BRD3: variants seen among roughly 807,000 people sequenced by gnomAD.
BRD3 encodes the protein bromodomain-containing protein 3.
Under a neutral mutation model 66.8 loss-of-function variants are expected in BRD3, and 17 were observed. That is an observed-to-expected ratio of 0.25 (90% confidence interval 0.17 to 0.38). BRD3 has a LOEUF of 0.38. Among genes scored for constraint, BRD3 ranks in the 10% least tolerant of loss-of-function variants. The pLI, the probability that BRD3 is intolerant of heterozygous loss-of-function variation, is 1.00. For synonymous variants in BRD3, 421 were observed against 393.2 expected (o/e 1.07, Z -0.84); for missense variants, 713 against 956.1 (o/e 0.75, Z 3.35).
intron 1 of BRD3, chr9:134,056,666 C>T (rs902153801): frequency 1.3e-5 from 2 of 152,542 alleles, no homozygotes; most frequent in African/African-American, 4.8e-5. Context: ...GGACCCACCA[C>T]CTGGCAAGGA....
At chr9:134,065,558 C>T (rs1383716517) in intron 1 of BRD3, among the ~76,000 whole-genome samples, 1 of 152,176 alleles carries the variant, frequency 6.6e-6, no homozygotes, top group African/African-American at 2.4e-5. Flanking sequence ...GCTTTGAAAA[C>T]CAAGAGACCC....
At chr9:134,044,404 T>C (rs543661431) in intron 7 of BRD3, among the ~76,000 whole-genome samples, 4 of 152,280 alleles carry the variant, frequency 2.6e-5, no homozygotes, top group Admixed American at 2.6e-4. Flanking sequence ...CTCGGGGATT[T>C]CAAAACAGTC....
chr9:134,058,141 A>T (rs1323397469), intron 1 of BRD3: 1 of 152,278 alleles, frequency 6.6e-6, no homozygotes, highest in Non-Finnish European at 1.5e-5. Context: ...AGTGCTTCCC[A>T]CCACAGCCCA....
chr9:134,059,272 C>T (rs1224855121), intron 1 of BRD3, among the ~76,000 whole-genome samples: 1 of 152,202 alleles, frequency 6.6e-6, no homozygotes, highest in African/African-American at 2.4e-5. Flanking sequence ...CCCAGCACCC[C>T]GTTCCTCAAC....
At chr9:134,061,608 T>C (rs899245473) in intron 1 of BRD3, among the ~76,000 whole-genome samples, 1 of 152,212 alleles carries the variant, frequency 6.6e-6, no homozygotes, top group Non-Finnish European at 1.5e-5. Flanking sequence ...TCTGTACCTG[T>C]GTCCCTGACT....
Position 134,041,961 on chromosome 9 carries a change from A to G in BRD3, c.1216-10T>C. 2 of 1,562,396 alleles carry G rather than the reference A, an allele frequency of 1.3e-6. No homozygotes were observed. Among genetic ancestry groups the G allele is most frequent in the Non-Finnish European group, 8.7e-7 (1 of 1,151,508 alleles). On this transcript the variant is annotated splice_polypyrimidine_tract_variant and intron_variant, in intron 7 of 11. Coordinates refer to ENST00000303407, the MANE Select transcript of BRD3 (RefSeq NM_007371.4). Reference sequence around the variant, plus strand: ...TCATCTCAAACACGTCCTGCGGCAGAACAGAGGCTGCCCTGAAGACATGGG... The same window carrying G: ...TCATCTCAAACACGTCCTGCGGCAGGACAGAGGCTGCCCTGAAGACATGGG...
intron 1 of BRD3, among the ~76,000 whole-genome samples, chr9:134,055,592 C>A (rs1166559920): frequency 1.3e-5 from 2 of 152,204 alleles, no homozygotes; most frequent in African/African-American, 4.8e-5. Context: ...CAGTTATGGG[C>A]ACCAAGCACC....
In BRD3 at chr9:134,030,497, A is replaced by G; in HGVS notation, c.*3093T>C. The stretch of plus-strand genomic sequence containing the variant: ...TTTTCAGTAACTGACATTTACAGGA[A>G]TATACTAGAAACGGCACTAAAAAGT... On this transcript the variant is annotated 3_prime_UTR_variant, in exon 12 of 12. Coordinates refer to ENST00000303407, the MANE Select transcript of BRD3 (RefSeq NM_007371.4). The G allele has an allele frequency of 4.9e-6, 1 of 204,338 alleles. No homozygotes were observed. Among genetic ancestry groups the G allele is most frequent in the Non-Finnish European group, 1.0e-5 (1 of 99,816 alleles). The allele number at this position is 204,338 out of a possible 1,614,324, so 12.7% of individuals were successfully genotyped here. A position where few individuals can be genotyped will look rare whatever the true frequency, so the allele number is the denominator to read the frequency against.
At chr9:134,057,250 A>G (rs751040324) in intron 1 of BRD3, 4 of 152,254 alleles carry the variant, frequency 2.6e-5, no homozygotes, top group African/African-American at 7.2e-5. Flanking sequence ...TACGGTCCAA[A>G]TCAACGTGGA....
chr9:134,059,701 C>T (rs767652266), intron 1 of BRD3, among the ~76,000 whole-genome samples: 12 of 152,192 alleles, frequency 7.9e-5, no homozygotes, highest in Non-Finnish European at 1.6e-4. Flanking sequence ...GGTCTGTGAG[C>T]ATGTACAGTG....
intron 4 of BRD3, among the ~76,000 whole-genome samples, chr9:134,051,229 G>A (rs562742572): frequency 1.3e-5 from 2 of 152,320 alleles, no homozygotes; most frequent in East Asian, 1.9e-4. Context: ...CAGGCCCCAC[G>A]CGTCGTGGAA....
chr9:134,059,921 G>A (rs1481887301), intron 1 of BRD3, among the ~76,000 whole-genome samples: 3 of 152,218 alleles, frequency 2.0e-5, no homozygotes, highest in Non-Finnish European at 2.9e-5. Flanking sequence ...GCAGGGAAGC[G>A]GTGGGTCCTT....
Position 134,032,541 on chromosome 9 carries a change from A to G in BRD3, c.*1049T>C. 4.4e-6 allele frequency: 1 copy of G among 227,612 alleles called. No homozygotes were observed. 14.1% of individuals were successfully genotyped at this position (227,612 alleles called of 1,614,324 possible). A position where few individuals can be genotyped will look rare whatever the true frequency, so the allele number is the denominator to read the frequency against. ...ACGTGGGTGAGCACCGCGCGGTGGC[A>G]GGAGTTAGCACCTGGAGACGACAGG... is the stretch of plus-strand genomic sequence containing the variant. On this transcript the variant is annotated 3_prime_UTR_variant, in exon 12 of 12. Transcript: ENST00000303407.
rs202054855 is a variant in BRD3, at chr9:134,040,191, C to T, written c.1486G>A (p.Glu496Lys). Residue 496 changes from glutamate to lysine, a missense_variant, in exon 9 of 12, where the codon GAG becomes AAG. Physicochemically the swap from Glu to Lys is moderately conservative, Grantham distance 56. Coordinates refer to ENST00000303407, the MANE Select transcript of BRD3 (RefSeq NM_007371.4). ...NKPKKKKEKK[E>K]KEKKKKDKEK... ...TTGTCCTTCTTCTTCTTCTCCTTCTCCTTCTTCTCCTTCTTCTTCTTTGGT... is the reference window on the plus strand; with the variant it reads ...TTGTCCTTCTTCTTCTTCTCCTTCTTCTTCTTCTCCTTCTTCTTCTTTGGT... 1 of 1,570,466 alleles carries T rather than the reference C, an allele frequency of 6.4e-7. No homozygotes were observed. Among genetic ancestry groups the T allele is most frequent in the East Asian group, 2.3e-5 (1 of 42,876 alleles).
intron 1 of BRD3, among the ~76,000 whole-genome samples, chr9:134,066,262 A>G (rs926327424): frequency 6.6e-6 from 1 of 152,180 alleles, no homozygotes; most frequent in African/African-American, 2.4e-5. Flanking sequence ...GCTCGCCTGC[A>G]GCCCGTCCTG....
intron 7 of BRD3, 149 bp from the exon 8 acceptor site, chr9:134,042,100 T>A: frequency 1.1e-6 from 1 of 920,246 alleles, no homozygotes; most frequent in Non-Finnish European, 1.6e-6. Flanking sequence ...CCCGCCTGCC[T>A]GGGGGGCTGT....
chr9:134,047,397 G>T (rs532625886), intron 6 of BRD3, among the ~76,000 whole-genome samples: 16 of 152,330 alleles, frequency 1.1e-4, no homozygotes, highest in Admixed American at 5.2e-4. Context: ...CCAGGAGTCT[G>T]GAAAGGTGCT....
rs1467913304 is a variant in BRD3, at chr9:134,032,798, G to A, written c.*792C>T. The A allele has an allele frequency of 7.9e-6, 2 of 252,552 alleles. No individual in the cohort carries two copies. The highest frequency in any genetic ancestry group is 2.2e-5 in the African/African-American group (1 of 45,776). The allele number at this position is 252,552 out of a possible 1,614,324, so 15.6% of individuals were successfully genotyped here. A position where few individuals can be genotyped will look rare whatever the true frequency, so the allele number is the denominator to read the frequency against. ...GCCAGGCGGGGACTCACAGCGGGCT[G>A]GACTTCCGTAGAAAATTGCCGAACC... On this transcript the variant is annotated 3_prime_UTR_variant, in exon 12 of 12. Coordinates refer to ENST00000303407, the MANE Select transcript of BRD3 (RefSeq NM_007371.4).
At chr9:134,066,375 C>T (rs535724897) in intron 1 of BRD3, among the ~76,000 whole-genome samples, 2 of 152,232 alleles carry the variant, frequency 1.3e-5, no homozygotes, top group Non-Finnish European at 2.9e-5. Flanking sequence ...AAATGAGAGG[C>T]TGCATCAGGG....
Sources: gnomAD v4.1 joint callset for allele counts (sites outside exome capture counted in the v4.1 genomes callset) on GRCh38, gnomAD v4.1.1 for gene constraint, MANE v1.5 for transcripts, NCBI Gene and HGNC (gene_info 2026-07-23, HGNC 2026-07-21) for gene names.